The following EFNA5 variants were observed in gnomAD, a reference collection of about 807,000 sequenced individuals.
EFNA5 encodes ephrin A5.
In EFNA5, 5 loss-of-function variants were observed where a neutral mutation model predicts 22.9. That is an observed-to-expected ratio of 0.22 (90% CI 0.11 to 0.46). The LOEUF is 0.46. Ranked by LOEUF, EFNA5 falls within the 20% of genes least tolerant of loss-of-function variation. EFNA5 has a pLI of 0.99. For missense variants in EFNA5, 237 were observed against 293.3 expected, an observed-to-expected ratio of 0.81 and a Z score of 1.40; for synonymous variants, 113 against 112.2, an observed-to-expected ratio of 1.01 and a Z score of -0.04.
intron 2 of EFNA5, among the ~76,000 whole-genome samples, chr5:107,422,242 A>C (rs1748687545): frequency 6.6e-6 from 1 of 152,196 alleles, no homozygotes; most frequent in African/African-American, 2.4e-5. Flanking sequence ...TGCTGTTTTC[A>C]GATGGCGCCT....
intron 1 of EFNA5, among the ~76,000 whole-genome samples, chr5:107,600,569 C>T (rs915475671): frequency 6.6e-6 from 1 of 151,928 alleles, no homozygotes; most frequent in East Asian, 1.9e-4. Flanking sequence ...TCATTGCAAC[C>T]TCTGCCTCCC....
intron 1 of EFNA5, among the ~76,000 whole-genome samples, chr5:107,570,437 C>T (rs991839906): frequency 2.6e-5 from 4 of 152,224 alleles, no homozygotes; most frequent in Non-Finnish European, 5.9e-5. Context: ...CTTGGTCTAA[C>T]TATTCAGAGG....
At chr5:107,565,223 C>T (rs74439631) in intron 1 of EFNA5, among the ~76,000 whole-genome samples, 1,836 of 152,138 alleles carry the variant, frequency 0.012, 34 homozygotes, top group African/African-American at 0.042. Context: ...AAAAAATATG[C>T]GCTGAAAGAC....
At chr5:107,658,081 C>G (rs1490606912) in intron 1 of EFNA5, among the ~76,000 whole-genome samples, 1 of 152,230 alleles carries the variant, frequency 6.6e-6, no homozygotes, top group African/African-American at 2.4e-5. Flanking sequence ...CGCATTTTGT[C>G]CCAAGTCTTT....
At chr5:107,409,562 G>T (rs1401740100) in intron 2 of EFNA5, among the ~76,000 whole-genome samples, 1 of 152,200 alleles carries the variant, frequency 6.6e-6, no homozygotes, top group Admixed American at 6.5e-5. Context: ...ATGTATTAGT[G>T]AGTGCCTGTC....
chr5:107,469,051 T>G (rs1750067133), intron 1 of EFNA5, among the ~76,000 whole-genome samples: 1 of 152,184 alleles, frequency 6.6e-6, no homozygotes, highest in African/African-American at 2.4e-5. Flanking sequence ...AACTAAGTGC[T>G]TAGCATTTTG....
At chr5:107,607,389 CA>C (rs1351492985) in intron 1 of EFNA5, among the ~76,000 whole-genome samples, 1 of 152,182 alleles carries the variant, frequency 6.6e-6, no homozygotes, top group Non-Finnish European at 1.5e-5. Context: ...CTTCTTCAAA[CA>C]TTTGCAGTAG....
chr5:107,452,010 G>A (rs1258248064), intron 1 of EFNA5, among the ~76,000 whole-genome samples: 2 of 152,200 alleles, frequency 1.3e-5, no homozygotes, highest in Admixed American at 1.3e-4. Flanking sequence ...TAAAGAAAAT[G>A]TGGTACGTAT....
At chr5:107,451,799 T>C (rs76813117) in intron 1 of EFNA5, among the ~76,000 whole-genome samples, 1 of 152,126 alleles carries the variant, frequency 6.6e-6, no homozygotes, top group East Asian at 1.9e-4. Flanking sequence ...GTTCAACCAT[T>C]GTGGAAGACA....
intron 1 of EFNA5, among the ~76,000 whole-genome samples, chr5:107,560,168 A>C (rs971762669): frequency 1.3e-5 from 2 of 152,270 alleles, no homozygotes; most frequent in African/African-American, 4.8e-5. Context: ...TTTACATTAA[A>C]GGGCTAAAGA....
At chr5:107,466,269 G>A (rs27355) in intron 1 of EFNA5, among the ~76,000 whole-genome samples, 6,760 of 152,228 alleles carry the variant, frequency 0.044, 168 homozygotes, top group Non-Finnish European at 0.049. Flanking sequence ...GTTAAGCCAT[G>A]ATGTGTCAAA....
intron 1 of EFNA5, among the ~76,000 whole-genome samples, chr5:107,462,885 T>C (rs934355516): frequency 1.3e-5 from 2 of 152,184 alleles, no homozygotes; most frequent in African/African-American, 4.8e-5. Context: ...CTGAAGTTCA[T>C]TCATGGGAAT....
At chr5:107,435,210 C>G (rs572642079) in intron 1 of EFNA5, among the ~76,000 whole-genome samples, 2 of 151,788 alleles carry the variant, frequency 1.3e-5, no homozygotes, top group South Asian at 4.2e-4. Context: ...ATGGGCAGGA[C>G]AGCAGTCTCT....
chr5:107,383,635 A>C (rs1385794482), intron 4 of EFNA5, among the ~76,000 whole-genome samples: 1 of 152,140 alleles, frequency 6.6e-6, no homozygotes, highest in African/African-American at 2.4e-5. Flanking sequence ...TTTTACTAGC[A>C]TATTACCCAA....
At chr5:107,555,057 C>G (rs1748379615) in intron 1 of EFNA5, among the ~76,000 whole-genome samples, 1 of 152,194 alleles carries the variant, frequency 6.6e-6, no homozygotes, top group Non-Finnish European at 1.5e-5. Flanking sequence ...TGGGCATTCT[C>G]ACGGGTTCCC....
intron 1 of EFNA5, among the ~76,000 whole-genome samples, chr5:107,554,296 T>C (rs1561431221): frequency 6.6e-6 from 1 of 152,206 alleles, no homozygotes; most frequent in Non-Finnish European, 1.5e-5. Flanking sequence ...AACAGATGTA[T>C]ATTAAAAGCA....
intron 1 of EFNA5, among the ~76,000 whole-genome samples, chr5:107,473,265 T>A (rs1178417544): frequency 1.8e-5 from 2 of 111,666 alleles, no homozygotes; most frequent in African/African-American, 6.9e-5. Flanking sequence ...AGGTCTGATT[T>A]TTTTTTTTTT....
intron 1 of EFNA5, among the ~76,000 whole-genome samples, chr5:107,493,642 A>T (rs1292258507): frequency 6.6e-6 from 1 of 152,252 alleles, no homozygotes; most frequent in East Asian, 1.9e-4. Context: ...TGGCAGGAGA[A>T]TATTAACATG....
intron 4 of EFNA5, among the ~76,000 whole-genome samples, chr5:107,386,177 C>T (rs965939870): frequency 2.8e-5 from 4 of 144,908 alleles, no homozygotes; most frequent in African/African-American, 1.0e-4. Flanking sequence ...AAAAATTCTC[C>T]ATTTACATAA....
Sources: allele counts gnomAD v4.1 joint callset (sites outside exome capture counted in the v4.1 genomes callset), GRCh38; gene constraint gnomAD v4.1.1; transcripts MANE v1.5; gene names NCBI Gene and HGNC (gene_info 2026-07-23, HGNC 2026-07-21).